The following MAPK10 variants were observed in gnomAD, a reference collection of about 807,000 sequenced individuals.
MAPK10 encodes the protein mitogen-activated protein kinase 10, also known as JNK3 alpha protein kinase.
Under a neutral mutation model 59.3 loss-of-function variants are expected in MAPK10, and 25 were observed. The ratio of observed to expected loss-of-function variants is 0.42; its 90% CI spans 0.31 to 0.59. MAPK10 has a LOEUF of 0.59. Among genes scored for constraint, MAPK10 ranks in the 20% least tolerant of loss-of-function variants. MAPK10 has a pLI of 0.15. For synonymous variants in MAPK10, 190 were observed against 200.5 expected, an observed-to-expected ratio of 0.95 and a Z score of 0.44; for missense variants, 351 against 568.9, an observed-to-expected ratio of 0.62 and a Z score of 3.90.
chr4:86,363,810 T>G (rs565224655), upstream of MAPK10, among the ~76,000 whole-genome samples: 3 of 152,226 alleles, frequency 2.0e-5, no homozygotes, highest in East Asian at 5.8e-4. Context: ...TGAGACAGGG[T>G]CTCACTCTGT....
intron 3 of MAPK10, among the ~76,000 whole-genome samples, chr4:86,182,352 T>G (rs992508944): frequency 6.6e-6 from 1 of 152,308 alleles, no homozygotes; most frequent in Admixed American, 6.5e-5. Context: ...TTTTCCGTAT[T>G]TCTCTGATTT....
At chr4:86,196,339 T>A (rs1425065651) in intron 2 of MAPK10, among the ~76,000 whole-genome samples, 2 of 151,744 alleles carry the variant, frequency 1.3e-5, no homozygotes, top group Non-Finnish European at 2.9e-5. Flanking sequence ...TTTTTCATGT[T>A]TGTTGGCTGC....
chr4:86,584,416 T>C lies in MAPK10; in HGVS notation c.-263+9494A>G, dbSNP rs561414908. Among the ~76,000 whole-genome samples the C allele has an allele frequency of 4.6e-5, 7 of 152,288 alleles. No individual in the cohort carries two copies. In the East Asian group the frequency reaches 1.3e-3, roughly 29 times the overall value. On this transcript the variant is annotated intron_variant, in intron 1 of 4. Transcript: ENST00000502302. The stretch of plus-strand genomic sequence containing the variant: ...TATATTAATATGTCTTGAAAAATCC[T>C]GGAAATATTGGGAGTGGTAAGAAAT...
intron 1 of MAPK10, among the ~76,000 whole-genome samples, chr4:86,560,564 G>A (rs540139737): frequency 2.6e-5 from 4 of 152,188 alleles, no homozygotes; most frequent in East Asian, 1.9e-4. Context: ...ATCTGAAAGC[G>A]TGAAACCAGG....
intron 1 of MAPK10, among the ~76,000 whole-genome samples, chr4:86,497,225 G>A (rs1171476350): frequency 1.3e-5 from 2 of 152,174 alleles, no homozygotes; most frequent in Non-Finnish European, 2.9e-5. Flanking sequence ...GCTATTGTCA[G>A]GAATTTCACT....
At chr4:86,573,638 A>T (rs947533240) in intron 1 of MAPK10, among the ~76,000 whole-genome samples, 2 of 152,226 alleles carry the variant, frequency 1.3e-5, no homozygotes, top group African/African-American at 4.8e-5. Flanking sequence ...AGCTGCTTAT[A>T]TCTTGATTGA....
At chr4:86,551,425 TGTCAA>T (rs1759764053) in intron 1 of MAPK10, among the ~76,000 whole-genome samples, 1 of 152,234 alleles carries the variant, frequency 6.6e-6, no homozygotes, top group South Asian at 2.1e-4. Context: ...AGTAAAATTT[TGTCAA>T]GATCATTCCT....
At chr4:86,166,361 G>C (rs187294482) in intron 3 of MAPK10, among the ~76,000 whole-genome samples, 1 of 152,130 alleles carries the variant, frequency 6.6e-6, no homozygotes, top group Admixed American at 6.5e-5. Flanking sequence ...CTTTTTATTA[G>C]TGGAAAGGTT....
chr4:86,138,674 A>G (rs549873530), intron 4 of MAPK10, among the ~76,000 whole-genome samples: 167 of 150,662 alleles, frequency 1.1e-3, no homozygotes, highest in African/African-American at 3.8e-3. Flanking sequence ...TAGTGTTGGA[A>G]GTTCTGGCCA....
chr4:86,302,042 A>G (rs2095481744), intron 2 of MAPK10, among the ~76,000 whole-genome samples: 1 of 152,190 alleles, frequency 6.6e-6, no homozygotes, highest in Admixed American at 6.5e-5. Context: ...CAAAAAAAAA[A>G]ATCCAGTTGC....
intron 11 of MAPK10, among the ~76,000 whole-genome samples, chr4:86,046,734 A>G (rs1291562172): frequency 6.6e-6 from 1 of 152,146 alleles, no homozygotes; most frequent in African/African-American, 2.4e-5. Flanking sequence ...TTAGCCACAC[A>G]ATCATGGGCA....
chr4:86,098,881 C>A, intron 8 of MAPK10: 1 of 310,802 alleles, frequency 3.2e-6, no homozygotes, highest in East Asian at 5.7e-5. Flanking sequence ...CTGAGAAAAG[C>A]AATAGCTAAA....
At chr4:86,169,265 C>T (rs1467312899) in intron 3 of MAPK10, among the ~76,000 whole-genome samples, 3 of 152,042 alleles carry the variant, frequency 2.0e-5, no homozygotes, top group African/African-American at 4.8e-5. Flanking sequence ...CAAACTACTC[C>T]GAGCTACAGG....
chr4:86,356,781 G>A (rs1734727533), intron 1 of MAPK10: 1 of 152,134 alleles, frequency 6.6e-6, no homozygotes, highest in South Asian at 2.1e-4. Context: ...CTTATGTAAT[G>A]CAATAAATAT....
intron 1 of MAPK10, among the ~76,000 whole-genome samples, chr4:86,560,657 T>C (rs1314118132): frequency 2.6e-5 from 4 of 152,250 alleles, no homozygotes; most frequent in Non-Finnish European, 5.9e-5. Context: ...TAGTAATACA[T>C]TGGCAATTCC....
chr4:86,340,929 T>C (rs1037469709), intron 2 of MAPK10, among the ~76,000 whole-genome samples: 3 of 152,252 alleles, frequency 2.0e-5, no homozygotes, highest in Admixed American at 1.3e-4. Flanking sequence ...TCATTTTTAA[T>C]GTCCTATACA....
In MAPK10 at chr4:86,522,369, G is replaced by A. The variant is rs1030325088; in HGVS notation, c.-263+71541C>T. Among the ~76,000 whole-genome samples, 7 of 152,200 alleles carry A rather than the reference G, an allele frequency of 4.6e-5. No individual in the cohort carries two copies. The East Asian group carries it at 7.7e-4, about 17-fold the overall frequency. On this transcript the variant is annotated intron_variant, in intron 1 of 4. Coordinates refer to the MAPK10 transcript ENST00000502302. ...AAGCTTGTTAAATGAATGATGAAAC[G>A]AGGTTGGAGCTAGAATATGAACTAC...
intron 1 of MAPK10, among the ~76,000 whole-genome samples, chr4:86,516,543 C>T (rs1480294692): frequency 6.6e-6 from 1 of 152,130 alleles, no homozygotes; most frequent in African/African-American, 2.4e-5. Flanking sequence ...TTGTTTGTGT[C>T]GTCTGTGAAT....
At chr4:86,536,545 G>T (rs1318633368) in intron 1 of MAPK10, among the ~76,000 whole-genome samples, 2 of 152,136 alleles carry the variant, frequency 1.3e-5, no homozygotes, top group Non-Finnish European at 2.9e-5. Flanking sequence ...GAAAAATTTG[G>T]TCTTGGGAAA....
Sources: allele counts gnomAD v4.1 joint callset (sites outside exome capture counted in the v4.1 genomes callset), GRCh38; gene constraint gnomAD v4.1.1; transcripts MANE v1.5; gene names NCBI Gene and HGNC (gene_info 2026-07-23, HGNC 2026-07-21).